PROSER2: variants seen among roughly 807,000 people sequenced by gnomAD.
PROSER2 encodes the protein proline and serine-rich protein 2.
In PROSER2, 18 loss-of-function variants were observed where a neutral mutation model predicts 14.6. That is an observed-to-expected ratio of 1.23 (90% CI 0.85 to 1.83). The LOEUF is 1.83. Ranked by LOEUF, PROSER2 falls within the 40% of genes most tolerant of loss-of-function variation. PROSER2 has a pLI of 0.00. For missense variants in PROSER2, 823 were observed against 629.8 expected, an observed-to-expected ratio of 1.31 and a Z score of -3.28; for synonymous variants, 367 against 286.4, an observed-to-expected ratio of 1.28 and a Z score of -2.84.
chr10:11,866,576 C>T lies in PROSER2; in HGVS notation c.184C>T (p.Leu62Phe), dbSNP rs1458221930. 1 of 1,614,084 alleles carries T rather than the reference C, an allele frequency of 6.2e-7. No individual in the cohort carries two copies. The highest frequency in any genetic ancestry group is 8.5e-7 in the Non-Finnish European group (1 of 1,180,046). The change falls in exon 3 of 4, where the codon CTC becomes TTC. Residue 62 changes from leucine to phenylalanine, a missense_variant. Leu to Phe is a conservative substitution (Grantham distance 22). Coordinates refer to ENST00000277570, the MANE Select transcript of PROSER2 (RefSeq NM_153256.4). The surrounding 1 kb of genome is among the most constrained non-coding windows in gnomAD (Gnocchi z 6.0). ...CCTCACCCATGAGGAAAAGGATGTG[C>T]TCCTGTTTTTTGAAGAGACGATTGA... ...KYLTHEEKDV[L>F]LFFEETIDSL...
chr10:11,833,984 C>CTTTTTTT lies in PROSER2; in HGVS notation c.-82+10536_-82+10542dup, dbSNP rs35005102. The stretch of plus-strand genomic sequence containing the variant: ...GGGGTTCCCAAGTGAGTAGCTCTTT[C>CTTTTTTT]TTTTTTTTTTTTTTTTTTTTTTTTT... On this transcript the variant is annotated intron_variant, in intron 1 of 3. Transcript: ENST00000277570. Among the ~76,000 whole-genome samples, 14 of 48,240 alleles carry CTTTTTTT rather than the reference C, an allele frequency of 2.9e-4. 2 individuals carry two copies. Among genetic ancestry groups the CTTTTTTT allele is most frequent in the African/African-American group, 6.7e-4 (7 of 10,378 alleles). The allele number at this position is 48,240 out of a possible 152,430, so 31.6% of individuals were successfully genotyped here. A position where few individuals can be genotyped will look rare whatever the true frequency, so the allele number is the denominator to read the frequency against.
At position 11,870,178 on chromosome 10, in the gene PROSER2, G is replaced by A. The variant is rs1329244949; in HGVS notation, c.1080G>A (p.Ala360=). The A allele has an allele frequency of 1.3e-6, 2 of 1,482,928 alleles. No homozygotes were observed. Among genetic ancestry groups the A allele is most frequent in the African/African-American group, 2.9e-5 (2 of 67,906 alleles). 91.9% of individuals were successfully genotyped at this position (1,482,928 alleles called of 1,614,324 possible). A position where few individuals can be genotyped will look rare whatever the true frequency, so the allele number is the denominator to read the frequency against. ...EALKSAPSSF[A]PAGKSLCFRP... is the part of the protein sequence containing the mutation. ...TGAAGAGCGCACCCAGCTCCTTCGC[G>A]CCCGCTGGGAAGTCCCTCTGCTTCC... The change falls in exon 4 of 4, where the codon GCG becomes GCA. Residue 360 remains alanine, a synonymous_variant. Coordinates refer to ENST00000277570, the MANE Select transcript of PROSER2 (RefSeq NM_153256.4).
intron 1 of PROSER2, among the ~76,000 whole-genome samples, chr10:11,833,576 A>G (rs895503990): frequency 1.4e-4 from 21 of 152,092 alleles, no homozygotes; most frequent in African/African-American, 5.1e-4. Context: ...CTGTAGTCCC[A>G]GTTACCCTGG....
rs754607800 is a variant in PROSER2, at chr10:11,866,609, G to A, written c.217G>A (p.Asp73Asn). 3 of 1,614,232 alleles carry A rather than the reference G, an allele frequency of 1.9e-6. No individual in the cohort carries two copies. Among genetic ancestry groups the A allele is most frequent in the Non-Finnish European group, 1.7e-6 (2 of 1,180,048 alleles). ...LFFEETIDSL[D>N]EDFEEPVLCD... ...TTTTGAAGAGACGATTGACTCCCTA[G>A]ACGAGGACTTTGAGGAGCCAGTGCT... Residue 73 changes from aspartate (D) to asparagine (N), a missense_variant, in exon 3 of 4, where the codon GAC (aspartate) becomes AAC (asparagine). Coordinates refer to ENST00000277570, the MANE Select transcript of PROSER2 (RefSeq NM_153256.4). This position sits in a 1 kb window ranked among gnomAD's most constrained non-coding sequence, Gnocchi z 6.0.
chr10:11,870,717 TC>T lies in PROSER2; in HGVS notation c.*312del, dbSNP rs1834470454. ...AGGTTTCCGTGATGTGTAAATGCCA[TC>T]TTTTGGGGGTTGGGAGGAGTAGGAC... On this transcript the variant is annotated 3_prime_UTR_variant, in exon 4 of 4. Coordinates refer to ENST00000277570, the MANE Select transcript of PROSER2 (RefSeq NM_153256.4). 1 of 279,498 alleles carries T rather than the reference TC, an allele frequency of 3.6e-6. No individual in the cohort carries two copies. Among genetic ancestry groups the T allele is most frequent in the African/African-American group, 2.2e-5 (1 of 45,076 alleles). The allele number at this position is 279,498 out of a possible 1,614,324, so 17.3% of individuals were successfully genotyped here. A position where few individuals can be genotyped will look rare whatever the true frequency, so the allele number is the denominator to read the frequency against.
intron 1 of PROSER2, among the ~76,000 whole-genome samples, chr10:11,826,116 A>C (rs1379928573): frequency 6.6e-6 from 1 of 152,110 alleles, no homozygotes; most frequent in East Asian, 1.9e-4. Context: ...ATACAGATGG[A>C]ATCTTAAAAT....
At chr10:11,863,314 G>C (rs1008166456) in intron 2 of PROSER2, among the ~76,000 whole-genome samples, 3 of 152,118 alleles carry the variant, frequency 2.0e-5, no homozygotes, top group African/African-American at 7.2e-5. Flanking sequence ...ATACCTCTCA[G>C]ATCACAGTGT....
intron 1 of PROSER2, among the ~76,000 whole-genome samples, chr10:11,835,346 T>G (rs1000582962): frequency 3.3e-5 from 5 of 151,874 alleles, no homozygotes; most frequent in Non-Finnish European, 1.5e-5. Flanking sequence ...TGTGTGAACG[T>G]AGAGAAGGAA....
intron 1 of PROSER2, among the ~76,000 whole-genome samples, chr10:11,833,215 T>G (rs978843597): frequency 6.8e-6 from 1 of 146,746 alleles, no homozygotes; most frequent in African/African-American, 2.5e-5. Context: ...TTGTGACAAG[T>G]ATTATACAAA....
intron 2 of PROSER2, among the ~76,000 whole-genome samples, chr10:11,861,319 G>C (rs1230987310): frequency 6.6e-6 from 1 of 152,140 alleles, no homozygotes; most frequent in Non-Finnish European, 1.5e-5. Context: ...CATGCACGCC[G>C]TGTTTCCATC....
chr10:11,847,933 C>A (rs1253869801), intron 1 of PROSER2, among the ~76,000 whole-genome samples: 1 of 152,182 alleles, frequency 6.6e-6, no homozygotes, highest in Non-Finnish European at 1.5e-5. Flanking sequence ...GTTTTTATTA[C>A]CTCTTAAATA....
At chr10:11,840,538 CTT>C (rs1456608028) in intron 1 of PROSER2, among the ~76,000 whole-genome samples, 1 of 152,052 alleles carries the variant, frequency 6.6e-6, no homozygotes, top group Non-Finnish European at 1.5e-5. Flanking sequence ...TTATTTGGGA[CTT>C]TTTGCATCTG....
At chr10:11,864,530 G>A (rs1306233903) in intron 2 of PROSER2, among the ~76,000 whole-genome samples, 2 of 151,888 alleles carry the variant, frequency 1.3e-5, no homozygotes, top group African/African-American at 4.8e-5. Context: ...TTAAAAACAA[G>A]GATACTATTC....
rs1349379155 is a variant in PROSER2, at chr10:11,836,369, G to T, written c.-82+12899G>T. Among the ~76,000 whole-genome samples the T allele has an allele frequency of 6.6e-6, 1 of 151,932 alleles. No homozygotes were observed. Among genetic ancestry groups the T allele is most frequent in the African/African-American group, 2.4e-5 (1 of 41,364 alleles). On this transcript the variant is annotated intron_variant, in intron 1 of 3. Transcript: ENST00000277570. The surrounding 1 kb of genome is among the most constrained non-coding windows in gnomAD (Gnocchi z 4.6). ...ATACCACCACACCCGGCTAATTTTT[G>T]CATTTTTGGTAGAGATGGGGTTTCA...
intron 2 of PROSER2, among the ~76,000 whole-genome samples, chr10:11,861,336 C>G (rs1429251558): frequency 1.3e-5 from 2 of 152,144 alleles, no homozygotes; most frequent in Non-Finnish European, 2.9e-5. Context: ...CATCACACCC[C>G]AGGCTCACCT....
intron 1 of PROSER2, among the ~76,000 whole-genome samples, chr10:11,829,833 T>TG (rs1833667063): frequency 7.4e-6 from 1 of 135,518 alleles, no homozygotes. Flanking sequence ...TCTTTACTTC[T>TG]GATTTTTTTT....
Position 11,870,372 on chromosome 10 carries a change from T to C in PROSER2, c.1274T>C (p.Leu425Pro), listed in dbSNP as rs534844986. ...TCGGAGGAGGCGCGCAGGGAGGCCC[T>C]GCGGAAGCTGGGGCTGCTCAGGGAG... ...GSSEEARREA[L>P]RKLGLLRESS Residue 425 changes from leucine to proline, a missense_variant, in exon 4 of 4, where the codon CTG becomes CCG. Transcript: ENST00000277570. 1.3e-6 allele frequency: 2 copies of C among 1,507,092 alleles called. No homozygotes were observed. Among genetic ancestry groups the C allele is most frequent in the African/African-American group, 2.9e-5 (2 of 68,852 alleles). The allele number at this position is 1,507,092 out of a possible 1,614,324, so 93.4% of individuals were successfully genotyped here. A position where few individuals can be genotyped will look rare whatever the true frequency, so the allele number is the denominator to read the frequency against.
intron 2 of PROSER2, among the ~76,000 whole-genome samples, chr10:11,863,878 G>A (rs1311683476): frequency 4.6e-5 from 7 of 152,048 alleles, no homozygotes; most frequent in Admixed American, 2.6e-4. Context: ...TCATGGTTTC[G>A]GTTTTGCTTG....
chr10:11,828,948 A>G (rs954937883), intron 1 of PROSER2, among the ~76,000 whole-genome samples: 11 of 152,116 alleles, frequency 7.2e-5, no homozygotes, highest in African/African-American at 2.7e-4. Context: ...CAGCTGGAGA[A>G]CGTAGCATTT....
Sources: gnomAD v4.1 joint callset for allele counts (sites outside exome capture counted in the v4.1 genomes callset) on GRCh38, gnomAD v4.1.1 for gene constraint, Gnocchi (gnomAD v3.1) non-coding constraint, MANE v1.5 for transcripts, NCBI Gene and HGNC (gene_info 2026-07-23, HGNC 2026-07-21) for gene names.